LHFPL3: variants seen among roughly 807,000 people sequenced by gnomAD.
LHFPL3 encodes LHFPL tetraspan subfamily member 3, also known as LHFPL tetraspan subfamily member 3 protein.
Under a neutral mutation model 19.3 loss-of-function variants are expected in LHFPL3, and 5 were observed. The ratio of observed to expected loss-of-function variants is 0.26; its 90% confidence interval spans 0.14 to 0.54. The LOEUF is 0.54. Among genes scored for constraint, LHFPL3 ranks in the 20% least tolerant of loss-of-function variants. The pLI is 0.94. For synonymous variants in LHFPL3, 133 were observed against 126.2 expected, an observed-to-expected ratio of 1.05 and a Z score of -0.36; for missense variants, 249 against 307.4, an observed-to-expected ratio of 0.81 and a Z score of 1.42.
At chr7:104,527,788 C>T (rs982458692) in intron 1 of LHFPL3, among the ~76,000 whole-genome samples, 1 of 152,146 alleles carries the variant, frequency 6.6e-6, no homozygotes, top group Non-Finnish European at 1.5e-5. Flanking sequence ...AGGTATATGT[C>T]TGAATGAATA....
chr7:104,398,602 C>G (rs1042321033), intron 1 of LHFPL3, among the ~76,000 whole-genome samples: 3 of 152,154 alleles, frequency 2.0e-5, no homozygotes, highest in African/African-American at 7.2e-5. Flanking sequence ...ATCCATCCTA[C>G]ATTTCTTATC....
chr7:104,675,024 G>A (rs1335646807), intron 1 of LHFPL3, among the ~76,000 whole-genome samples: 1 of 152,292 alleles, frequency 6.6e-6, no homozygotes, highest in African/African-American at 2.4e-5. Flanking sequence ...TGGAGAAAAC[G>A]TTTTGATGCG....
intron 2 of LHFPL3, among the ~76,000 whole-genome samples, chr7:104,897,112 A>G (rs1792379137): frequency 6.6e-6 from 1 of 152,116 alleles, no homozygotes; most frequent in Admixed American, 6.6e-5. Context: ...TTTAAGCTGA[A>G]GAACAATCTA....
At chr7:104,535,511 G>A (rs1333699724) in intron 1 of LHFPL3, among the ~76,000 whole-genome samples, 2 of 152,140 alleles carry the variant, frequency 1.3e-5, no homozygotes, top group East Asian at 3.8e-4. Flanking sequence ...ATAAATCCTT[G>A]ATAACTCATA....
At chr7:104,793,062 A>C (rs1790054447) in intron 2 of LHFPL3, among the ~76,000 whole-genome samples, 1 of 152,040 alleles carries the variant, frequency 6.6e-6, no homozygotes, top group African/African-American at 2.4e-5. Context: ...CACCCAGCTA[A>C]TTTTTGTATT....
chr7:104,595,175 T>C (rs532161653), intron 1 of LHFPL3, among the ~76,000 whole-genome samples: 10 of 152,340 alleles, frequency 6.6e-5, no homozygotes, highest in Admixed American at 2.0e-4. Context: ...ATCTTTGTGG[T>C]TATATCTACC....
At chr7:104,456,001 A>C (rs551349158) in intron 1 of LHFPL3, among the ~76,000 whole-genome samples, 1 of 152,320 alleles carries the variant, frequency 6.6e-6, no homozygotes, top group South Asian at 2.1e-4. Flanking sequence ...AGAGCACCTG[A>C]GTACCAGAAA....
chr7:104,349,471 C>G (rs1790134571), intron 1 of LHFPL3, among the ~76,000 whole-genome samples: 2 of 152,164 alleles, frequency 1.3e-5, no homozygotes, highest in South Asian at 4.1e-4. Flanking sequence ...CAAGGGAGCC[C>G]TTTTATGATA....
chr7:104,517,424 A>C (rs1308408157), intron 1 of LHFPL3, among the ~76,000 whole-genome samples: 2 of 151,152 alleles, frequency 1.3e-5, no homozygotes, highest in Non-Finnish European at 1.5e-5. Context: ...AATTATATCA[A>C]TATATTATTT....
chr7:104,711,196 C>G (rs1382953279), intron 1 of LHFPL3, among the ~76,000 whole-genome samples: 1 of 152,160 alleles, frequency 6.6e-6, no homozygotes, highest in Non-Finnish European at 1.5e-5. Flanking sequence ...TCAAGTTGAT[C>G]ATCCATGTTT....
At chr7:104,508,184 C>T (rs556711496) in intron 1 of LHFPL3, among the ~76,000 whole-genome samples, 4 of 152,168 alleles carry the variant, frequency 2.6e-5, no homozygotes, top group East Asian at 1.9e-4. Context: ...GCATTATTCA[C>T]GATCGCAAAC....
chr7:104,690,483 T>C (rs1448154840), intron 1 of LHFPL3, among the ~76,000 whole-genome samples: 2 of 152,222 alleles, frequency 1.3e-5, no homozygotes, highest in Admixed American at 6.5e-5. Context: ...CACTGGTCCA[T>C]TACATTGATG....
At chr7:104,846,132 G>T (rs531831715) in intron 2 of LHFPL3, among the ~76,000 whole-genome samples, 2 of 152,222 alleles carry the variant, frequency 1.3e-5, no homozygotes, top group South Asian at 4.1e-4. Flanking sequence ...ACACACATGG[G>T]CACACACACA....
chr7:104,458,674 G>A (rs1302274149), intron 1 of LHFPL3, among the ~76,000 whole-genome samples: 1 of 151,850 alleles, frequency 6.6e-6, no homozygotes, highest in African/African-American at 2.4e-5. Flanking sequence ...TAGCTTGATG[G>A]GGATGACATT....
intron 2 of LHFPL3, among the ~76,000 whole-genome samples, chr7:104,866,329 C>A (rs1791722246): frequency 6.6e-6 from 1 of 152,002 alleles, no homozygotes; most frequent in South Asian, 2.1e-4. Flanking sequence ...TTCAAGAAAC[C>A]CATCTCATGT....
intron 2 of LHFPL3, among the ~76,000 whole-genome samples, chr7:104,860,591 A>C (rs1562817332): frequency 6.6e-6 from 1 of 152,210 alleles, no homozygotes; most frequent in Non-Finnish European, 1.5e-5. Context: ...TCTTCACAAA[A>C]GCATCAGGGT....
intron 1 of LHFPL3, among the ~76,000 whole-genome samples, chr7:104,552,462 C>T (rs1489135705): frequency 2.0e-5 from 3 of 152,138 alleles, no homozygotes; most frequent in African/African-American, 7.2e-5. Context: ...CTATTTGAGA[C>T]CTTCTAATCT....
At chr7:104,543,395 C>A (rs1222466669) in intron 1 of LHFPL3, among the ~76,000 whole-genome samples, 1 of 151,676 alleles carries the variant, frequency 6.6e-6, no homozygotes, top group Non-Finnish European at 1.5e-5. Flanking sequence ...ACCATTTGAC[C>A]CAGCCATCCC....
At chr7:104,583,914 T>C (rs1229110833) in intron 1 of LHFPL3, among the ~76,000 whole-genome samples, 1 of 151,668 alleles carries the variant, frequency 6.6e-6, no homozygotes, top group Non-Finnish European at 1.5e-5. Flanking sequence ...TCCTCAGGGA[T>C]CTAGAACTAG....
Sources: gnomAD v4.1 joint callset for allele counts (sites outside exome capture counted in the v4.1 genomes callset) on GRCh38, gnomAD v4.1.1 for gene constraint, MANE v1.5 for transcripts, NCBI Gene and HGNC (gene_info 2026-07-23, HGNC 2026-07-21) for gene names.